PARD3B: variants seen among roughly 807,000 people sequenced by gnomAD.
PARD3B encodes par-3 family cell polarity regulator beta, also known as partitioning defective 3 homolog B.
PARD3B carries 103 observed loss-of-function variants against 130.2 expected under a neutral mutation model. That is an observed-to-expected ratio of 0.79 (90% CI 0.67 to 0.93). The LOEUF is 0.93. Among genes scored for constraint, PARD3B ranks in the 40% least tolerant of loss-of-function variants. PARD3B has a pLI of 0.00. For synonymous variants in PARD3B, 583 were observed against 553.2 expected (o/e 1.05, Z -0.76); for missense variants, 1,609 against 1,499.2 (o/e 1.07, Z -1.21).
intron 3 of PARD3B, among the ~76,000 whole-genome samples, chr2:205,037,896 T>A (rs946567635): frequency 6.6e-6 from 1 of 152,188 alleles, no homozygotes; most frequent in African/African-American, 2.4e-5. Flanking sequence ...CTAAGGCTCC[T>A]CTTGGCATCA....
chr2:205,297,828 A>G (rs1040828292), intron 16 of PARD3B, among the ~76,000 whole-genome samples: 5 of 152,198 alleles, frequency 3.3e-5, no homozygotes, highest in Non-Finnish European at 5.9e-5. Flanking sequence ...ATTACATCCA[A>G]TAGAGTTAGG....
rs1422142450 is a variant in PARD3B, at chr2:204,907,427, A to G, written c.223-57725A>G. On this transcript the variant is annotated intron_variant, in intron 2 of 22. Transcript: ENST00000406610. The surrounding 1 kb of genome is among the most constrained non-coding windows in gnomAD (Gnocchi z 5.7). ...ATTTGAATGTAAATTATATTATGTG[A>G]TAAAATTCCTCTGGAGGAAAATTCC... Among the ~76,000 whole-genome samples the G allele has an allele frequency of 2.6e-5, 4 of 152,166 alleles. No individual in the cohort carries two copies. Among genetic ancestry groups the G allele is most frequent in the Admixed American group, 2.6e-4 (4 of 15,268 alleles).
intron 18 of PARD3B, among the ~76,000 whole-genome samples, chr2:205,392,851 G>A (rs1296318516): frequency 6.6e-6 from 1 of 152,148 alleles, no homozygotes; most frequent in Admixed American, 6.5e-5. Context: ...AATAGAATTA[G>A]AATATTTTTC....
intron 18 of PARD3B, among the ~76,000 whole-genome samples, chr2:205,302,637 T>C (rs1274395093): frequency 3.3e-5 from 5 of 152,290 alleles, no homozygotes. Context: ...ATACCTCTTT[T>C]GAAGCAGGGG....
At chr2:204,947,722 T>C (rs1227194146) in intron 2 of PARD3B, among the ~76,000 whole-genome samples, 1 of 152,208 alleles carries the variant, frequency 6.6e-6, no homozygotes, top group African/African-American at 2.4e-5. Flanking sequence ...CCATGCATTT[T>C]ACCTGCAAGA....
chr2:204,781,904 A>G (rs1056360609), intron 2 of PARD3B, among the ~76,000 whole-genome samples: 3 of 152,028 alleles, frequency 2.0e-5, no homozygotes, highest in African/African-American at 7.2e-5. Flanking sequence ...GTGCCATTTC[A>G]GATCTCTTAT....
intron 19 of PARD3B, among the ~76,000 whole-genome samples, chr2:205,423,429 C>A (rs897139643): frequency 1.3e-5 from 2 of 152,188 alleles, no homozygotes; most frequent in Non-Finnish European, 2.9e-5. Context: ...TAGCCTAGTG[C>A]AGTTCTAAGT....
intron 21 of PARD3B, among the ~76,000 whole-genome samples, chr2:205,536,122 G>A (rs1365119849): frequency 6.6e-6 from 1 of 152,122 alleles, no homozygotes; most frequent in African/African-American, 2.4e-5. Flanking sequence ...AAATGGCAGG[G>A]AGTGGGGTCC....
At chr2:204,598,958 T>A (rs2033403404) in intron 1 of PARD3B, among the ~76,000 whole-genome samples, 1 of 152,032 alleles carries the variant, frequency 6.6e-6, no homozygotes, top group Admixed American at 6.6e-5. Context: ...GATAAAACAT[T>A]TTTCCCATTT....
At chr2:205,225,589 G>C (rs976392225) in intron 15 of PARD3B, among the ~76,000 whole-genome samples, 1 of 152,144 alleles carries the variant, frequency 6.6e-6, no homozygotes, top group Non-Finnish European at 1.5e-5. Flanking sequence ...ATGAAGAAAA[G>C]AAGTTTAATT....
chr2:204,584,141 G>A (rs1338633867), intron 1 of PARD3B, among the ~76,000 whole-genome samples: 2 of 152,218 alleles, frequency 1.3e-5, no homozygotes, highest in African/African-American at 4.8e-5. Context: ...AATCTTAGTG[G>A]GCAGAGGAGA....
At chr2:205,057,511 GTATGTGCA>G (rs1377936352) in intron 4 of PARD3B, among the ~76,000 whole-genome samples, 4 of 142,594 alleles carry the variant, frequency 2.8e-5, no homozygotes, top group African/African-American at 1.1e-4. Context: ...ACATATATGT[GTATGTGCA>G]TGTGTATATA....
At chr2:205,363,665 T>G (rs1323557054) in intron 18 of PARD3B, among the ~76,000 whole-genome samples, 1 of 151,724 alleles carries the variant, frequency 6.6e-6, no homozygotes, top group Non-Finnish European at 1.5e-5. Flanking sequence ...TTGTTTTGTT[T>G]TGTTTTCTTT....
At chr2:204,672,624 A>G (rs1383961797) in intron 1 of PARD3B, among the ~76,000 whole-genome samples, 3 of 152,242 alleles carry the variant, frequency 2.0e-5, no homozygotes, top group Non-Finnish European at 1.5e-5. Context: ...GCATTAGCCT[A>G]CAGACTACAT....
intron 1 of PARD3B, among the ~76,000 whole-genome samples, chr2:204,584,580 G>A (rs1457303941): frequency 1.3e-5 from 2 of 152,106 alleles, no homozygotes; most frequent in Non-Finnish European, 2.9e-5. Context: ...GCACAAAAGG[G>A]CCATCTGGGT....
chr2:205,598,289 A>G (rs1407821340), intron 22 of PARD3B, among the ~76,000 whole-genome samples: 1 of 152,200 alleles, frequency 6.6e-6, no homozygotes, highest in East Asian at 1.9e-4. Context: ...TGCAAATGGA[A>G]AACAGAAAGG....
intron 6 of PARD3B, among the ~76,000 whole-genome samples, chr2:205,117,613 T>C (rs910182260): frequency 6.6e-6 from 1 of 152,182 alleles, no homozygotes; most frequent in Non-Finnish European, 1.5e-5. Context: ...TTTATTTAGG[T>C]TTGAAATTTA....
At chr2:205,031,565 T>C (rs1697426334) in intron 3 of PARD3B, among the ~76,000 whole-genome samples, 1 of 152,182 alleles carries the variant, frequency 6.6e-6, no homozygotes, top group Admixed American at 6.6e-5. Context: ...GAGTGAGTGG[T>C]AGGCCTATGT....
intron 2 of PARD3B, among the ~76,000 whole-genome samples, chr2:204,888,368 G>C (rs2046332684): frequency 6.9e-6 from 1 of 145,840 alleles, no homozygotes. Context: ...GAAAGGGAGA[G>C]AGGGAGGGAA....
Sources: gnomAD v4.1 joint callset for allele counts (sites outside exome capture counted in the v4.1 genomes callset) on GRCh38, gnomAD v4.1.1 for gene constraint, Gnocchi (gnomAD v3.1) non-coding constraint, MANE v1.5 for transcripts, NCBI Gene and HGNC (gene_info 2026-07-23, HGNC 2026-07-21) for gene names.